CCDC60: variants seen among roughly 807,000 people sequenced by gnomAD.
The protein encoded by CCDC60 is coiled-coil domain containing 60, also known as coiled-coil domain-containing protein 60.
A neutral mutation model predicts 63.5 loss-of-function variants in CCDC60; 54 were observed. The observed-to-expected ratio is 0.85, with a 90% CI of 0.68 to 1.07. The LOEUF (loss-of-function observed/expected upper bound fraction) is 1.07. CCDC60 is among the 50% of genes least tolerant of loss of function. CCDC60 has a pLI of 0.00. For synonymous variants in CCDC60, 206 were observed against 238.8 expected (o/e 0.86, Z 1.27); for missense variants, 651 against 684.3 (o/e 0.95, Z 0.54).
chr12:119,446,461 A>G (rs1420905306), intron 2 of CCDC60, among the ~76,000 whole-genome samples: 3 of 152,338 alleles, frequency 2.0e-5, no homozygotes, highest in South Asian at 4.1e-4. Context: ...TGTAGAGTAC[A>G]ATGTCAATGA....
chr12:119,489,383 C>T (rs1951531374), intron 5 of CCDC60, among the ~76,000 whole-genome samples: 1 of 152,000 alleles, frequency 6.6e-6, no homozygotes, highest in South Asian at 2.1e-4. Flanking sequence ...ACATTGGTGG[C>T]TACTTCTCCA....
At chr12:119,482,671 A>G (rs1951353152) in intron 4 of CCDC60, among the ~76,000 whole-genome samples, 1 of 152,166 alleles carries the variant, frequency 6.6e-6, no homozygotes, top group Non-Finnish European at 1.5e-5. Flanking sequence ...CTATGGCTGT[A>G]TTACAGATCA....
intron 1 of CCDC60, among the ~76,000 whole-genome samples, chr12:119,368,836 A>G (rs1955869626): frequency 6.6e-6 from 1 of 152,080 alleles, no homozygotes; most frequent in Admixed American, 6.5e-5. Flanking sequence ...TCGCCACTTT[A>G]TCTGTAATAC....
intron 1 of CCDC60, among the ~76,000 whole-genome samples, chr12:119,397,349 ATTTTACAGAGAGCTGATTGGTCCG>A (rs1216424048): frequency 1.3e-5 from 2 of 152,064 alleles, no homozygotes; most frequent in African/African-American, 2.4e-5. Flanking sequence ...TGATTGGCCC[ATTTTACAGAGAGCTGATTGGTCCG>A]TTTTACAGAG....
intron 1 of CCDC60, among the ~76,000 whole-genome samples, chr12:119,384,943 G>GT (rs1956045195): frequency 6.6e-6 from 1 of 152,200 alleles, no homozygotes; most frequent in Admixed American, 6.5e-5. Flanking sequence ...TGAGTGGGGG[G>GT]GCTGATATCC....
intron 4 of CCDC60, among the ~76,000 whole-genome samples, chr12:119,481,846 C>G (rs1012106472): frequency 6.6e-6 from 1 of 151,724 alleles, no homozygotes; most frequent in African/African-American, 2.4e-5. Flanking sequence ...AGTGAGAACA[C>G]AGTATGTTTG....
At chr12:119,503,223 C>A (rs1210517870) in intron 6 of CCDC60, among the ~76,000 whole-genome samples, 1 of 152,110 alleles carries the variant, frequency 6.6e-6, no homozygotes, top group East Asian at 1.9e-4. Flanking sequence ...GAGCCTGGTT[C>A]CTAGAGTCAG....
In CCDC60 at chr12:119,470,155, A is replaced by G. The variant is rs1951029115; in HGVS notation, c.171-1839A>G. Reference sequence around the variant, plus strand: ...TGCATTTACACCTGATATTCCATCCACTGGTATGCCATGTCCCACTTTGTT... The same window carrying G: ...TGCATTTACACCTGATATTCCATCCGCTGGTATGCCATGTCCCACTTTGTT... On this transcript the variant is annotated intron_variant, in intron 2 of 13. Coordinates refer to ENST00000327554, the MANE Select transcript of CCDC60 (RefSeq NM_178499.5). Among the ~76,000 whole-genome samples the G allele has an allele frequency of 2.0e-5, 3 of 152,318 alleles. No homozygotes were observed. The South Asian group carries it at 6.2e-4, about 32-fold the overall frequency.
intron 2 of CCDC60, among the ~76,000 whole-genome samples, chr12:119,446,166 C>CA (rs575712956): frequency 6.7e-5 from 10 of 149,616 alleles, no homozygotes; most frequent in African/African-American, 9.8e-5. Context: ...AAGACAGTCT[C>CA]AAAAAAAAAG....
Position 119,501,321 on chromosome 12 carries a change from T to C in CCDC60, c.648+1153T>C, listed in dbSNP as rs575602331. ...CTTCTGTAGGAATATTATCCAGTTA[T>C]GCCCTCTTAATAACCCTATGGGGCA... is the stretch of plus-strand genomic sequence containing the variant. On this transcript the variant is annotated intron_variant, in intron 6 of 13. Coordinates refer to ENST00000327554, the MANE Select transcript of CCDC60 (RefSeq NM_178499.5). Among the ~76,000 whole-genome samples the C allele has an allele frequency of 5.9e-5, 9 of 152,338 alleles. No homozygotes were observed. In the South Asian group the frequency reaches 1.7e-3, roughly 28 times the overall value.
chr12:119,343,660 C>CTATATATATATATATA (rs60934414), intron 1 of CCDC60, among the ~76,000 whole-genome samples: 1 of 141,122 alleles, frequency 7.1e-6, no homozygotes, highest in African/African-American at 2.7e-5. Context: ...GAAAGGCAAA[C>CTATATATATATATATA]TATATATATA....
chr12:119,349,896 G>C (rs1955637584), intron 1 of CCDC60, among the ~76,000 whole-genome samples: 1 of 152,100 alleles, frequency 6.6e-6, no homozygotes, highest in African/African-American at 2.4e-5. Flanking sequence ...CTCTTCTCTG[G>C]AGCCTGCATA....
chr12:119,529,217 AT>A (rs1952771404), intron 12 of CCDC60, among the ~76,000 whole-genome samples: 3 of 152,150 alleles, frequency 2.0e-5, no homozygotes, highest in Admixed American at 2.0e-4. Context: ...AAAAAGCAAC[AT>A]GAATTGAGTG....
intron 1 of CCDC60, among the ~76,000 whole-genome samples, chr12:119,392,706 G>A (rs2136200984): frequency 6.6e-6 from 1 of 152,340 alleles, no homozygotes; most frequent in South Asian, 2.1e-4. Context: ...ATAGGCTGCA[G>A]TCAGCCATGC....
At chr12:119,520,238 A>G (rs1185766943) in intron 9 of CCDC60, 46 bp downstream of exon 9, 1 of 1,537,172 alleles carries the variant, frequency 6.5e-7, no homozygotes, top group Non-Finnish European at 9.0e-7. Context: ...AAGGCAGCCC[A>G]CACTTACAGG....
intron 6 of CCDC60, 43 bp downstream of exon 6, chr12:119,500,211 CA>C: frequency 7.5e-7 from 1 of 1,326,784 alleles, no homozygotes; most frequent in Non-Finnish European, 1.1e-6. Context: ...TCCTAGGTCC[CA>C]GCTTGTGTTG....
At chr12:119,463,016 G>A (rs1265609228) in intron 2 of CCDC60, among the ~76,000 whole-genome samples, 1 of 152,050 alleles carries the variant, frequency 6.6e-6, no homozygotes, top group African/African-American at 2.4e-5. Flanking sequence ...TAGAGACAGG[G>A]TTTCGCCATG....
chr12:119,361,226 A>G (rs1955788036), intron 1 of CCDC60, among the ~76,000 whole-genome samples: 2 of 151,728 alleles, frequency 1.3e-5, no homozygotes, highest in Admixed American at 6.6e-5. Flanking sequence ...GGAGAGCTCA[A>G]GTCTATCACA....
chr12:119,444,225 G>A (rs1328630768), intron 2 of CCDC60, among the ~76,000 whole-genome samples: 1 of 152,204 alleles, frequency 6.6e-6, no homozygotes, highest in East Asian at 1.9e-4. Flanking sequence ...ATAACGTTAG[G>A]TAACACAATG....
Sources: gnomAD v4.1 joint callset for allele counts (sites outside exome capture counted in the v4.1 genomes callset) on GRCh38, gnomAD v4.1.1 for gene constraint, MANE v1.5 for transcripts, NCBI Gene and HGNC (gene_info 2026-07-23, HGNC 2026-07-21) for gene names.